Variants in MCM9 observed in about 807,000 individuals in gnomAD.
The protein encoded by MCM9 is minichromosome maintenance 9 homologous recombination repair factor, also known as DNA helicase MCM9.
MCM9 carries 55 observed loss-of-function variants against 72.8 expected under a neutral mutation model. The observed-to-expected ratio is 0.76, with a 90% CI of 0.61 to 0.95. The LOEUF (loss-of-function observed/expected upper bound fraction) is 0.95, where lower values mean the gene tolerates loss of function less well. Ranked by LOEUF, MCM9 falls within the 40% of genes least tolerant of loss-of-function variation. The pLI is 0.00. For synonymous variants in MCM9, 480 were observed against 503.4 expected, an observed-to-expected ratio of 0.95 and a Z score of 0.62; for missense variants, 1,279 against 1,377.0, an observed-to-expected ratio of 0.93 and a Z score of 1.13.
At chr6:118,841,805 G>A (rs961370317) in intron 9 of MCM9, among the ~76,000 whole-genome samples, 3 of 150,800 alleles carry the variant, frequency 2.0e-5, no homozygotes, top group Non-Finnish European at 2.9e-5. Flanking sequence ...AAAAAGATAC[G>A]TCTACTGAGC....
chr6:118,845,246 A>C (rs1457222541), intron 9 of MCM9, among the ~76,000 whole-genome samples: 1 of 151,940 alleles, frequency 6.6e-6, no homozygotes, highest in Non-Finnish European at 1.5e-5. Flanking sequence ...ATAGGTTTGA[A>C]GATGAATAAA....
intron 8 of MCM9, among the ~76,000 whole-genome samples, chr6:118,880,897 C>A (rs961824453): frequency 3.9e-5 from 6 of 152,156 alleles, no homozygotes; most frequent in Non-Finnish European, 8.8e-5. Context: ...GTTCCAAGAC[C>A]CCCAGTGCAT....
At chr6:118,843,658 G>GTGTATATATATATGTGTA (rs1222792710) in intron 9 of MCM9, among the ~76,000 whole-genome samples, 1 of 21,592 alleles carries the variant, frequency 4.6e-5, no homozygotes, top group Non-Finnish European at 8.6e-5. Flanking sequence ...ATATATATGT[G>GTGTATATATATATGTGTA]TATATATATA....
At chr6:118,857,095 C>A (rs930171805) in intron 8 of MCM9, among the ~76,000 whole-genome samples, 1 of 152,160 alleles carries the variant, frequency 6.6e-6, no homozygotes, top group African/African-American at 2.4e-5. Context: ...CAGAAGTTCT[C>A]AAATTTTCTG....
chr6:118,891,832 C>A (rs957988610), intron 8 of MCM9, among the ~76,000 whole-genome samples: 1 of 152,200 alleles, frequency 6.6e-6, no homozygotes, highest in Non-Finnish European at 1.5e-5. Flanking sequence ...TCTCTCTCAG[C>A]CATCCTTCCC....
At chr6:118,886,253 C>T (rs565590289) in intron 8 of MCM9, among the ~76,000 whole-genome samples, 6 of 151,820 alleles carry the variant, frequency 4.0e-5, no homozygotes, top group Middle Eastern at 3.4e-3. Flanking sequence ...GAAAATTTTC[C>T]CATTAAGATC....
At chr6:118,922,149 T>C (rs1303906802) in intron 4 of MCM9, 63 bp from the exon 5 acceptor site, 1 of 1,216,222 alleles carries the variant, frequency 8.2e-7, no homozygotes, top group African/African-American at 1.5e-5. Context: ...TCCAGAAGTC[T>C]AGCAGTACTT....
chr6:118,877,125 A>G (rs988174411), intron 8 of MCM9, among the ~76,000 whole-genome samples: 1 of 152,218 alleles, frequency 6.6e-6, no homozygotes, highest in Non-Finnish European at 1.5e-5. Flanking sequence ...AGTGAGGACC[A>G]AGGACCCACA....
At chr6:118,882,387 G>A (rs1778344743) in intron 8 of MCM9, among the ~76,000 whole-genome samples, 1 of 152,184 alleles carries the variant, frequency 6.6e-6, no homozygotes, top group African/African-American at 2.4e-5. Flanking sequence ...TTGGTAGCAA[G>A]TAATAAAAAG....
At chr6:118,924,223 A>C in intron 3 of MCM9, 96 bp from the exon 4 acceptor site, 1 of 1,109,608 alleles carries the variant, frequency 9.0e-7, no homozygotes, top group Non-Finnish European at 1.3e-6. Flanking sequence ...ATAAATTTTA[A>C]TTTCAGGGGG....
Position 118,826,292 on chromosome 6 carries a change from C to A in MCM9, c.1816G>T (p.Gly606Ter). ...VVSVMESSMQGGALLGGVNAL... is the reference protein window; with the variant it reads ...VVSVMESSMQ ...TTCACACCTCCTAGCAGTGCACCTC[C>A]CTGAAGGGGTGAGAAAATACCAGGA... Residue 606 changes from glycine to a stop codon, truncating the protein, a stop_gained and splice_region_variant, in exon 13 of 14, where the codon GGA becomes TGA. Transcript: ENST00000619706. LOFTEE classifies it high-confidence loss of function. 2 of 1,548,648 alleles carry A rather than the reference C, an allele frequency of 1.3e-6. No individual in the cohort carries two copies. Among genetic ancestry groups the A allele is most frequent in the Non-Finnish European group, 1.7e-6 (2 of 1,146,160 alleles).
At chr6:118,875,364 A>C (rs948526290) in intron 8 of MCM9, among the ~76,000 whole-genome samples, 1 of 152,238 alleles carries the variant, frequency 6.6e-6, no homozygotes, top group African/African-American at 2.4e-5. Flanking sequence ...AGCTGGGCGC[A>C]GTGGCTCACA....
intron 6 of MCM9, 101 bp downstream of exon 6, chr6:118,917,460 T>G: frequency 2.6e-5 from 30 of 1,152,484 alleles, no homozygotes; most frequent in Non-Finnish European, 3.6e-5. Context: ...ACTCAGTCAT[T>G]GAGTTATGCG....
At chr6:118,823,755 G>A (rs1773972551) in intron 13 of MCM9, among the ~76,000 whole-genome samples, 1 of 151,958 alleles carries the variant, frequency 6.6e-6, no homozygotes, top group Admixed American at 6.6e-5. Flanking sequence ...AGATGAGTAA[G>A]TTATTCTAAA....
At chr6:118,924,714 G>A (rs1345803821) in intron 3 of MCM9, among the ~76,000 whole-genome samples, 1 of 152,134 alleles carries the variant, frequency 6.6e-6, no homozygotes, top group Non-Finnish European at 1.5e-5. Context: ...AAAGCCTTGT[G>A]TTTTTCAACA....
chr6:118,876,029 A>G (rs1777911103), intron 8 of MCM9, among the ~76,000 whole-genome samples: 1 of 152,232 alleles, frequency 6.6e-6, no homozygotes, highest in Non-Finnish European at 1.5e-5. Flanking sequence ...ATCAGACAAT[A>G]AAATATCATT....
At chr6:118,850,370 G>A (rs1776143540) in intron 9 of MCM9, among the ~76,000 whole-genome samples, 1 of 151,748 alleles carries the variant, frequency 6.6e-6, no homozygotes, top group South Asian at 2.1e-4. Flanking sequence ...ATATACATAT[G>A]AAATAAAATA....
chr6:118,891,232 A>G (rs1359812574), intron 8 of MCM9, among the ~76,000 whole-genome samples: 1 of 152,146 alleles, frequency 6.6e-6, no homozygotes, highest in African/African-American at 2.4e-5. Context: ...ACCACTCCAC[A>G]TACGCCACAC....
intron 9 of MCM9, among the ~76,000 whole-genome samples, chr6:118,843,667 T>TAC (rs1354932493): frequency 4.2e-3 from 60 of 14,254 alleles, no homozygotes; most frequent in South Asian, 7.9e-3. Context: ...TGTATATATA[T>TAC]ATGTATGTAT....
Sources: allele counts gnomAD v4.1 joint callset (sites outside exome capture counted in the v4.1 genomes callset), GRCh38; gene constraint gnomAD v4.1.1; transcripts MANE v1.5; gene names NCBI Gene and HGNC (gene_info 2026-07-23, HGNC 2026-07-21).